The following RELCH variants were observed in gnomAD, a reference collection of about 807,000 sequenced individuals.
RELCH encodes RAB11 binding and LisH domain, coiled-coil and HEAT repeat containing, also known as RAB11-binding protein RELCH.
Under a neutral mutation model 150.3 loss-of-function variants are expected in RELCH, and 41 were observed. That is an observed-to-expected ratio of 0.27 (90% CI 0.21 to 0.35). The LOEUF (loss-of-function observed/expected upper bound fraction) is 0.35. Ranked by LOEUF, RELCH falls within the 10% of genes least tolerant of loss-of-function variation. The probability of loss-of-function intolerance (pLI) is 1.00; values close to 1 mark genes in which losing one functional copy is unlikely to be tolerated. For synonymous variants in RELCH, 478 were observed against 531.8 expected, an observed-to-expected ratio of 0.90 and a Z score of 1.39; for missense variants, 1,092 against 1,467.8, an observed-to-expected ratio of 0.74 and a Z score of 4.18.
intron 15 of RELCH, 89 bp from the exon 16 acceptor site, chr18:62,261,422 G>T: frequency 8.3e-7 from 1 of 1,211,674 alleles, no homozygotes. Context: ...TCTTTGATTT[G>T]CCACAGTAAG....
Position 62,244,818 on chromosome 18 carries a change from C to T in RELCH, c.1675C>T (p.Arg559Ter), listed in dbSNP as rs368797409. The change falls in exon 11 of 29, where the codon CGA becomes TGA. Residue 559 changes from arginine (R) to a stop codon, truncating the protein, a stop_gained. Transcript: ENST00000644646. LOFTEE classifies it high-confidence loss of function. ...TACLHPEPKE[R>*]DQLLHILFNL... ...ATGTCTACATCCTGAGCCTAAAGAG[C>T]GAGATCAGCTTCTCCACATACTTTT... The T allele has an allele frequency of 6.2e-7, 1 of 1,613,414 alleles. No individual in the cohort carries two copies. Among genetic ancestry groups the T allele is most frequent in the Non-Finnish European group, 8.5e-7 (1 of 1,179,528 alleles).
rs780222086 is a variant in RELCH, at chr18:62,261,676, T to C, written c.2350+18T>C. ...GATAGAAGGTACTGAACTTAAATTC[T>C]GGAAGAAAAATGTAGAATATTAGCA... On this transcript the variant is annotated intron_variant, in intron 16 of 28. Coordinates refer to ENST00000644646, the MANE Select transcript of RELCH (RefSeq NM_001346231.2). 2 of 1,592,302 alleles carry C rather than the reference T, an allele frequency of 1.3e-6. No homozygotes were observed. Among genetic ancestry groups the C allele is most frequent in the East Asian group, 4.5e-5 (2 of 44,546 alleles).
intron 27 of RELCH, 96 bp from the exon 28 acceptor site, chr18:62,298,694 T>C (rs1600289312): frequency 3.2e-6 from 2 of 628,318 alleles, no homozygotes; most frequent in South Asian, 4.2e-5. Flanking sequence ...AATTAACATA[T>C]TAGCTTATAG....
At chr18:62,292,196 A>C (rs1304379844) in intron 27 of RELCH, among the ~76,000 whole-genome samples, 1 of 152,136 alleles carries the variant, frequency 6.6e-6, no homozygotes, top group African/African-American at 2.4e-5. Context: ...CAACTTTTAC[A>C]GTGTCTATTG....
chr18:62,236,421 A>G (rs1432144576), intron 10 of RELCH, among the ~76,000 whole-genome samples: 1 of 151,682 alleles, frequency 6.6e-6, no homozygotes, highest in Non-Finnish European at 1.5e-5. Flanking sequence ...TGGTTTTCTT[A>G]TCTTGTGTTT....
chr18:62,265,798 C>T (rs544950532), intron 18 of RELCH, among the ~76,000 whole-genome samples: 14 of 151,970 alleles, frequency 9.2e-5, no homozygotes, highest in African/African-American at 2.7e-4. Context: ...ATTCTCTTAG[C>T]GCAATTCAGT....
intron 1 of RELCH, among the ~76,000 whole-genome samples, chr18:62,209,873 G>A (rs1159203037): frequency 2.0e-5 from 3 of 152,090 alleles, no homozygotes; most frequent in Admixed American, 6.5e-5. Context: ...TGATGTGTTT[G>A]GAAATGAAAC....
At chr18:62,227,994 T>G (rs146484743) in intron 7 of RELCH, among the ~76,000 whole-genome samples, 1 of 152,226 alleles carries the variant, frequency 6.6e-6, no homozygotes, top group African/African-American at 2.4e-5. Flanking sequence ...TTATTCCATT[T>G]AGTTCTTGTA....
chr18:62,298,270 A>G (rs1360829469), intron 27 of RELCH, among the ~76,000 whole-genome samples: 1 of 152,156 alleles, frequency 6.6e-6, no homozygotes, highest in East Asian at 1.9e-4. Context: ...TCACTCACTC[A>G]GTCTCCCTGC....
At chr18:62,257,896 T>C in intron 13 of RELCH, 52 bp from the exon 14 acceptor site, 1 of 1,361,786 alleles carries the variant, frequency 7.3e-7, no homozygotes, top group Non-Finnish European at 1.0e-6. Flanking sequence ...TATTATTTTC[T>C]ATACTTCTGT....
chr18:62,255,655 G>C lies in RELCH; in HGVS notation c.1896+177G>C, dbSNP rs141499100. On this transcript the variant is annotated intron_variant, in intron 13 of 28. Transcript: ENST00000644646. ...ACAGTATGGCATTGCAGACACATAG[G>C]TACATTACCACTGATTTTGGATGAG... is the stretch of plus-strand genomic sequence containing the variant. 2.6e-5 allele frequency among the ~76,000 whole-genome samples: 4 copies of C among 152,092 alleles called. No individual in the cohort carries two copies. In the East Asian group the frequency reaches 7.7e-4, roughly 29 times the overall value.
chr18:62,223,080 G>T (rs1159287714), intron 5 of RELCH, among the ~76,000 whole-genome samples: 1 of 151,826 alleles, frequency 6.6e-6, no homozygotes, highest in Non-Finnish European at 1.5e-5. Flanking sequence ...ACTAAAAAAA[G>T]AAAACCAAGT....
At position 62,279,756 on chromosome 18, in the gene RELCH, C is replaced by G. The variant is rs767331396; in HGVS notation, c.2968-18C>G. ...TTCCGTGCATCACCTGTGAATACCC[C>G]CTGTGCTGACCAATCAGCTGTTGGT... On this transcript the variant is annotated intron_variant, in intron 22 of 28. Transcript: ENST00000644646. The G allele has an allele frequency of 2.4e-5, 36 of 1,513,738 alleles. No individual in the cohort carries two copies. The East Asian group carries it at 5.1e-4, about 22-fold the overall frequency. 93.8% of individuals were successfully genotyped at this position (1,513,738 alleles called of 1,614,324 possible).
At chr18:62,301,878 A>G (rs1461677400) in intron 28 of RELCH, among the ~76,000 whole-genome samples, 3 of 152,200 alleles carry the variant, frequency 2.0e-5, no homozygotes. Context: ...TTTTTCATAT[A>G]TTTGCTAATA....
chr18:62,282,574 CCTTGTGTACT>C (rs1240005635), intron 25 of RELCH, 130 bp downstream of exon 25: 10 of 841,670 alleles, frequency 1.2e-5, no homozygotes, highest in South Asian at 4.5e-5. Context: ...GTACTGAAAG[CCTTGTGTACT>C]CTTGTGTACT....
chr18:62,228,832 A>G (rs997252017), intron 8 of RELCH, among the ~76,000 whole-genome samples: 2 of 152,134 alleles, frequency 1.3e-5, no homozygotes, highest in South Asian at 2.1e-4. Flanking sequence ...GCTAGGTTCT[A>G]TCTTAGCTAA....
chr18:62,218,749 T>C (rs2040641639), intron 2 of RELCH, among the ~76,000 whole-genome samples: 1 of 152,026 alleles, frequency 6.6e-6, no homozygotes, highest in Admixed American at 6.6e-5. Context: ...AGTTGGACTA[T>C]GAGCCACTTG....
At chr18:62,216,196 C>T (rs1342319484) in intron 2 of RELCH, among the ~76,000 whole-genome samples, 1 of 152,014 alleles carries the variant, frequency 6.6e-6, no homozygotes, top group Non-Finnish European at 1.5e-5. Context: ...TTTCAAGCAT[C>T]TGCTACGTGT....
At chr18:62,276,501 GA>G (rs2044216668) in intron 22 of RELCH, among the ~76,000 whole-genome samples, 1 of 151,874 alleles carries the variant, frequency 6.6e-6, no homozygotes, top group Non-Finnish European at 1.5e-5. Flanking sequence ...TAGTAATAGG[GA>G]ACATATACTT....
Sources: gnomAD v4.1 joint callset for allele counts (sites outside exome capture counted in the v4.1 genomes callset) on GRCh38, gnomAD v4.1.1 for gene constraint, MANE v1.5 for transcripts, NCBI Gene and HGNC (gene_info 2026-07-23, HGNC 2026-07-21) for gene names.